The following RANBP2 variants were observed in gnomAD, a reference collection of about 807,000 sequenced individuals.
RANBP2 encodes RAN binding protein 2, also known as E3 SUMO-protein ligase RanBP2.
Under a neutral mutation model 303.6 loss-of-function variants are expected in RANBP2, and 57 were observed. The ratio of observed to expected loss-of-function variants is 0.19; its 90% CI spans 0.15 to 0.23. RANBP2 has a LOEUF of 0.23. RANBP2 is among the 10% of genes least tolerant of loss of function. The pLI is 1.00. For synonymous variants in RANBP2, 1,167 were observed against 1,301.5 expected, an observed-to-expected ratio of 0.90 and a Z score of 2.23; for missense variants, 3,138 against 3,780.8, an observed-to-expected ratio of 0.83 and a Z score of 4.46.
At chr2:108,745,719 C>A (rs1010174115) in intron 7 of RANBP2, among the ~76,000 whole-genome samples, 2 of 151,780 alleles carry the variant, frequency 1.3e-5, no homozygotes, top group Non-Finnish European at 2.9e-5. Context: ...GTGGCATTTC[C>A]AAGTGTCATT....
chr2:108,906,161 A>G, the RANBP2 span: 4,641 of 771,622 alleles, frequency 6.0e-3, 151 homozygotes, highest in African/African-American at 0.071. Flanking sequence ...CACCTGAAAT[A>G]GTTTCCAGCG....
chr2:109,161,593 G>C, the RANBP2 span, among the ~76,000 whole-genome samples: 1 of 151,798 alleles, frequency 6.6e-6, no homozygotes, highest in African/African-American at 2.4e-5. Flanking sequence ...GTTTATTTGG[G>C]TCACAATTCT....
the RANBP2 span, among the ~76,000 whole-genome samples, chr2:109,004,171 T>C: frequency 3.3e-5 from 5 of 152,248 alleles, no homozygotes; most frequent in Non-Finnish European, 4.4e-5. Context: ...TGGTCTTGTA[T>C]CTCAGGAGCT....
chr2:109,181,962 GCCA>G, the RANBP2 span, among the ~76,000 whole-genome samples: 1 of 152,144 alleles, frequency 6.6e-6, no homozygotes, highest in Admixed American at 6.5e-5. Flanking sequence ...GCAACCAAAG[GCCA>G]GTTTGGTGAT....
the RANBP2 span, among the ~76,000 whole-genome samples, chr2:109,447,034 C>G: frequency 6.6e-6 from 1 of 151,586 alleles, no homozygotes. Flanking sequence ...TTAAATGACC[C>G]GAGGCCCCTG....
chr2:109,005,717 C>T, the RANBP2 span, among the ~76,000 whole-genome samples: 1 of 152,242 alleles, frequency 6.6e-6, no homozygotes, highest in East Asian at 1.9e-4. Context: ...AGCCCAGCTT[C>T]CATCTGGCAA....
At chr2:109,385,238 T>C in the RANBP2 span, among the ~76,000 whole-genome samples, 1 of 152,194 alleles carries the variant, frequency 6.6e-6, no homozygotes, top group East Asian at 1.9e-4. Flanking sequence ...CAAGGGTTCT[T>C]AGGAGGATTA....
In RANBP2 at chr2:108,735,619, G is replaced by A. The variant is rs374797105; in HGVS notation, c.493G>A (p.Val165Ile). Residue 165 changes from valine (V) to isoleucine (I), a missense_variant, in exon 5 of 29, where the codon GTC (valine) becomes ATC (isoleucine). By Grantham distance (29) the Val-to-Ile change is conservative. This residue lies in a region of RANBP2 where 306 missense variants were observed against 381.9 expected (regional missense o/e 0.80). Coordinates refer to ENST00000283195, the MANE Select transcript of RANBP2 (RefSeq NM_006267.5). ...AGAACTTTATGTAAGACCTGATGAC[G>A]TCCATGTGAACATCCGGCTAGTGGA... The part of the protein sequence containing the change: ...QSELYVRPDD[V>I]HVNIRLVEVY... The A allele has an allele frequency of 4.6e-5, 74 of 1,597,442 alleles. No individual in the cohort carries two copies. The highest frequency in any genetic ancestry group is 6.0e-5 in the Non-Finnish European group (71 of 1,179,792).
the RANBP2 span, among the ~76,000 whole-genome samples, chr2:109,127,032 G>A: frequency 6.6e-6 from 1 of 152,198 alleles, no homozygotes. Flanking sequence ...CATGCACTGC[G>A]AGGTGTGTGC....
the RANBP2 span, among the ~76,000 whole-genome samples, chr2:109,255,747 G>C: frequency 6.6e-6 from 1 of 152,232 alleles, no homozygotes; most frequent in East Asian, 1.9e-4. Context: ...TCTAGGGCCA[G>C]AATCTCTGCT....
chr2:108,923,300 C>T, the RANBP2 span: 6 of 1,480,078 alleles, frequency 4.1e-6, no homozygotes, highest in Non-Finnish European at 5.7e-6. Flanking sequence ...CTCTTTCCTA[C>T]ACCCTCTGTA....
At chr2:109,497,431 A>G in the RANBP2 span, among the ~76,000 whole-genome samples, 1 of 152,356 alleles carries the variant, frequency 6.6e-6, no homozygotes, top group Non-Finnish European at 1.5e-5. Context: ...GCTAATGGTA[A>G]TAATAATGGA....
chr2:109,334,784 GTT>G, the RANBP2 span, among the ~76,000 whole-genome samples: 129,467 of 152,166 alleles, frequency 0.85, 55,609 homozygotes, highest in African/African-American at 0.95. Flanking sequence ...TCCTGCCTCT[GTT>G]TTTCTCTCTC....
At chr2:109,612,224 G>T in the RANBP2 span, among the ~76,000 whole-genome samples, 1 of 152,094 alleles carries the variant, frequency 6.6e-6, no homozygotes, top group Non-Finnish European at 1.5e-5. Context: ...TTACTAACTG[G>T]GTGATTCCAT....
At chr2:108,769,544 T>C (rs1355729393) in intron 20 of RANBP2, among the ~76,000 whole-genome samples, 1 of 150,070 alleles carries the variant, frequency 6.7e-6, no homozygotes, top group African/African-American at 2.5e-5. Context: ...ACTGGGATGC[T>C]GATTTGTAAT....
the RANBP2 span, among the ~76,000 whole-genome samples, chr2:109,766,431 A>G: frequency 6.6e-6 from 1 of 150,592 alleles, no homozygotes; most frequent in Non-Finnish European, 1.5e-5. Flanking sequence ...CTGGGGCCCC[A>G]GAGGATACCA....
the RANBP2 span, among the ~76,000 whole-genome samples, chr2:109,124,056 G>A: frequency 6.6e-6 from 1 of 151,750 alleles, no homozygotes; most frequent in Non-Finnish European, 1.5e-5. Flanking sequence ...TGTCGCCCAG[G>A]CTAGAGTACG....
At chr2:109,025,529 C>T in the RANBP2 span, among the ~76,000 whole-genome samples, 109 of 152,206 alleles carry the variant, frequency 7.2e-4, no homozygotes, top group African/African-American at 2.4e-3. Context: ...GGACATAGGG[C>T]GGGTGCGGTG....
chr2:109,612,907 TG>T, the RANBP2 span, among the ~76,000 whole-genome samples: 5 of 152,246 alleles, frequency 3.3e-5, no homozygotes, highest in Admixed American at 3.3e-4. Context: ...GCCTGCAATC[TG>T]AACTGTTTCT....
Sources: gnomAD v4.1 joint callset for allele counts (sites outside exome capture counted in the v4.1 genomes callset) on GRCh38, gnomAD v4.1.1 for gene constraint, gnomAD v4.1.1 regional missense constraint, MANE v1.5 for transcripts, NCBI Gene and HGNC (gene_info 2026-07-23, HGNC 2026-07-21) for gene names.